Variants in FEZ2 observed in about 807,000 individuals in gnomAD.
The protein encoded by FEZ2 is fasciculation and elongation protein zeta 2.
A neutral mutation model predicts 40.4 loss-of-function variants in FEZ2; 51 were observed. That is an observed-to-expected ratio of 1.26 (90% CI 1.01 to 1.59). The LOEUF (loss-of-function observed/expected upper bound fraction) is 1.59. FEZ2 is among the 40% of genes most tolerant of loss of function. The pLI is 0.00. For missense variants in FEZ2, 640 were observed against 438.3 expected (o/e 1.46, Z -4.11); for synonymous variants, 242 against 172.0 (o/e 1.41, Z -3.18).
intron 5 of FEZ2, among the ~76,000 whole-genome samples, chr2:36,572,768 A>G (rs1370686908): frequency 6.6e-6 from 1 of 152,202 alleles, no homozygotes; most frequent in Non-Finnish European, 1.5e-5. Context: ...AGGGGGGAAA[A>G]AGCCAGGTCC....
Position 36,581,427 on chromosome 2 carries a change from A to G in FEZ2, c.497T>C (p.Ile166Thr), listed in dbSNP as rs748666664. The change falls in exon 4 of 8, where the codon ATT becomes ACT. Residue 166 changes from isoleucine (I) to threonine (T), a missense_variant. Transcript: ENST00000405912. ...DEPLFTADQVIEEIEEMMQES... is the reference protein window; with the variant it reads ...DEPLFTADQVTEEIEEMMQES... ...CTGCATCATTTCTTCAATTTCTTCA[A>G]TAACCTTCGAAAACACACACACCAC... is the stretch of plus-strand genomic sequence containing the variant. 5.6e-6 allele frequency: 9 copies of G among 1,613,452 alleles called. No individual in the cohort carries two copies. The East Asian group carries it at 1.1e-4, about 20-fold the overall frequency.
chr2:36,584,280 A>G (rs533715428), intron 2 of FEZ2, among the ~76,000 whole-genome samples: 3 of 152,240 alleles, frequency 2.0e-5, no homozygotes, highest in Admixed American at 6.5e-5. Context: ...CACAAGGCCA[A>G]TCTCAACAGT....
chr2:36,560,392 C>T (rs925390861), intron 5 of FEZ2, among the ~76,000 whole-genome samples: 1 of 152,162 alleles, frequency 6.6e-6, no homozygotes, highest in Non-Finnish European at 1.5e-5. Context: ...GACATCTGGC[C>T]TTCTTCCCCC....
At chr2:36,572,820 A>C (rs969026901) in intron 5 of FEZ2, among the ~76,000 whole-genome samples, 1 of 152,208 alleles carries the variant, frequency 6.6e-6, no homozygotes, top group African/African-American at 2.4e-5. Context: ...GCTATCAATC[A>C]TATTATAACA....
intron 5 of FEZ2, among the ~76,000 whole-genome samples, chr2:36,566,795 C>G (rs182498050): frequency 6.6e-6 from 1 of 152,246 alleles, no homozygotes. Flanking sequence ...AGTCACTTTA[C>G]TGCCAAGGCC....
intron 5 of FEZ2, among the ~76,000 whole-genome samples, chr2:36,568,338 T>C (rs887243192): frequency 3.3e-5 from 5 of 152,146 alleles, no homozygotes; most frequent in African/African-American, 1.2e-4. Flanking sequence ...TAAAGATTTG[T>C]TACTAAATAA....
intron 2 of FEZ2, among the ~76,000 whole-genome samples, chr2:36,588,946 A>T (rs1310259244): frequency 6.6e-6 from 1 of 152,084 alleles, no homozygotes; most frequent in Non-Finnish European, 1.5e-5. Flanking sequence ...CTTCTATGCT[A>T]TTTTTTAATA....
intron 5 of FEZ2, among the ~76,000 whole-genome samples, chr2:36,565,650 A>G (rs1218394070): frequency 6.6e-6 from 1 of 152,138 alleles, no homozygotes; most frequent in East Asian, 1.9e-4. Context: ...CAATAGTAAT[A>G]TATGTCCACC....
Position 36,577,774 on chromosome 2 carries a change from C to A in FEZ2, c.903+823G>T, listed in dbSNP as rs192052174. On this transcript the variant is annotated intron_variant, in intron 5 of 7. Transcript: ENST00000405912. ...CTAAGTATTCTTTAGATAAGTAAAT[C>A]AGACTTTATCAAAAACAGAACTCAT... Among the ~76,000 whole-genome samples the A allele has an allele frequency of 5.5e-3, 832 of 152,292 alleles. 5 individuals are homozygous for A. The highest frequency in any genetic ancestry group is 9.1e-3 in the Admixed American group (139 of 15,304).
intron 5 of FEZ2, chr2:36,560,855 A>C: frequency 6.2e-7 from 1 of 1,609,110 alleles, no homozygotes; most frequent in Non-Finnish European, 8.5e-7. Flanking sequence ...GATCCCTTCC[A>C]TGCTGAAGCG....
intron 5 of FEZ2, among the ~76,000 whole-genome samples, chr2:36,560,075 T>C (rs962601940): frequency 6.6e-6 from 1 of 152,246 alleles, no homozygotes; most frequent in African/African-American, 2.4e-5. Flanking sequence ...CTTTTCTTTT[T>C]CAAGGTGAAA....
At chr2:36,575,422 C>A (rs1047552197) in intron 5 of FEZ2, among the ~76,000 whole-genome samples, 1 of 152,148 alleles carries the variant, frequency 6.6e-6, no homozygotes, top group African/African-American at 2.4e-5. Flanking sequence ...CTCCTGGGCT[C>A]AAGGAATCCT....
chr2:36,577,868 G>C (rs1056078169), intron 5 of FEZ2, among the ~76,000 whole-genome samples: 1 of 152,174 alleles, frequency 6.6e-6, no homozygotes, highest in Non-Finnish European at 1.5e-5. Context: ...AAATTAAAAA[G>C]AGATGTCCCA....
chr2:36,554,258 T>TA (rs1558438511), intron 7 of FEZ2: 3 of 470,814 alleles, frequency 6.4e-6, no homozygotes, highest in South Asian at 4.6e-5. Flanking sequence ...TTCACAATTA[T>TA]AGTCCTAGGT....
At position 36,581,442 on chromosome 2, in the gene FEZ2, A is replaced by C; in HGVS notation, c.493-11T>G. The stretch of plus-strand genomic sequence containing the variant: ...AATTTCTTCAATAACCTTCGAAAAC[A>C]CACACACCACTGTTAATCAAATATA... On this transcript the variant is annotated splice_polypyrimidine_tract_variant and intron_variant, in intron 3 of 7. Coordinates refer to ENST00000405912, the MANE Select transcript of FEZ2 (RefSeq NM_005102.3). 6.2e-7 allele frequency: 1 copy of C among 1,611,832 alleles called. No individual in the cohort carries two copies. The highest frequency in any genetic ancestry group is 8.5e-7 in the Non-Finnish European group (1 of 1,178,090).
intron 5 of FEZ2, among the ~76,000 whole-genome samples, chr2:36,572,259 C>T (rs1457282608): frequency 2.0e-5 from 3 of 152,116 alleles, no homozygotes; most frequent in East Asian, 1.9e-4. Flanking sequence ...AGCTGCCACA[C>T]GTAGCTTGGA....
At chr2:36,597,802 G>T in intron 1 of FEZ2, 75 bp downstream of exon 1, 1 of 992,996 alleles carries the variant, frequency 1.0e-6, no homozygotes. Flanking sequence ...GGGAGGAGCT[G>T]CGGCCGTAGG....
intron 5 of FEZ2, among the ~76,000 whole-genome samples, chr2:36,572,562 C>A (rs1432024136): frequency 6.6e-6 from 1 of 152,206 alleles, no homozygotes; most frequent in Admixed American, 6.5e-5. Context: ...ACGGCAACCA[C>A]TCAACTCTGT....
intron 7 of FEZ2, among the ~76,000 whole-genome samples, chr2:36,555,061 G>A (rs1337867100): frequency 2.0e-5 from 3 of 152,002 alleles, no homozygotes; most frequent in Non-Finnish European, 4.4e-5. Flanking sequence ...TCCAAACTTT[G>A]CTCTTTTCTC....
Sources: gnomAD v4.1 joint callset for allele counts (sites outside exome capture counted in the v4.1 genomes callset) on GRCh38, gnomAD v4.1.1 for gene constraint, MANE v1.5 for transcripts, NCBI Gene and HGNC (gene_info 2026-07-23, HGNC 2026-07-21) for gene names.